The following PROX1 variants were observed in gnomAD, a reference collection of about 807,000 sequenced individuals.
PROX1 encodes prospero homeobox protein 1.
PROX1 carries 7 observed loss-of-function variants against 58.8 expected under a neutral mutation model. The observed-to-expected ratio is 0.12, with a 90% CI of 0.07 to 0.22. The LOEUF is 0.22. Ranked by LOEUF, PROX1 falls within the 10% of genes least tolerant of loss-of-function variation. The pLI is 1.00. For synonymous variants in PROX1, 350 were observed against 358.3 expected (o/e 0.98, Z 0.26); for missense variants, 675 against 927.8 (o/e 0.73, Z 3.54).
intron 4 of PROX1, among the ~76,000 whole-genome samples, chr1:214,034,026 G>A (rs1326718674): frequency 2.6e-5 from 4 of 152,168 alleles, no homozygotes; most frequent in Non-Finnish European, 4.4e-5. Context: ...TAAGAAATGG[G>A]CCAGTGTGAA....
intron 4 of PROX1, among the ~76,000 whole-genome samples, chr1:214,022,050 A>T (rs574570761): frequency 9.8e-5 from 15 of 152,342 alleles, no homozygotes; most frequent in African/African-American, 3.6e-4. Flanking sequence ...TCAATATTTT[A>T]TATAAAACAT....
chr1:214,028,393 G>T (rs79313295), intron 4 of PROX1, among the ~76,000 whole-genome samples: 1 of 152,094 alleles, frequency 6.6e-6, no homozygotes, highest in African/African-American at 2.4e-5. Flanking sequence ...AGAAGTACAC[G>T]TATCCATTCA....
chr1:214,026,722 AAAG>A (rs1664469559), intron 4 of PROX1, among the ~76,000 whole-genome samples: 1 of 152,242 alleles, frequency 6.6e-6, no homozygotes, highest in Admixed American at 6.5e-5. Flanking sequence ...GTAGAAAAAC[AAAG>A]AAGATACTCA....
chr1:213,999,885 T>C (rs1429359342), intron 2 of PROX1, among the ~76,000 whole-genome samples: 1 of 152,178 alleles, frequency 6.6e-6, no homozygotes, highest in African/African-American at 2.4e-5. Flanking sequence ...ACACAATGGC[T>C]TGAATGGTTT....
At chr1:214,020,649 C>T (rs1448979050) in intron 4 of PROX1, among the ~76,000 whole-genome samples, 1 of 152,160 alleles carries the variant, frequency 6.6e-6, no homozygotes, top group African/African-American at 2.4e-5. Flanking sequence ...GTTTAATTTT[C>T]CCTTAAATTT....
intron 4 of PROX1, among the ~76,000 whole-genome samples, chr1:214,013,786 C>T (rs1664000556): frequency 1.3e-5 from 2 of 152,198 alleles, no homozygotes; most frequent in African/African-American, 4.8e-5. Context: ...TCTCCTTTAT[C>T]TGCAGTGTCT....
At chr1:213,985,372 G>A (rs992133794), upstream of PROX1, 1 of 152,404 alleles carries the variant, frequency 6.6e-6, no homozygotes, top group African/African-American at 2.4e-5. Flanking sequence ...GTTGCCAGGA[G>A]CCTGGCCTGT....
intron 3 of PROX1, among the ~76,000 whole-genome samples, chr1:214,008,320 G>C (rs1398176278): frequency 6.6e-6 from 1 of 152,062 alleles, no homozygotes; most frequent in Non-Finnish European, 1.5e-5. Flanking sequence ...GTCCCAAAGT[G>C]CTGGGATTAC....
intron 4 of PROX1, among the ~76,000 whole-genome samples, chr1:214,021,651 T>C (rs189968374): frequency 6.6e-6 from 1 of 152,386 alleles, no homozygotes; most frequent in African/African-American, 2.4e-5. Flanking sequence ...GGTTTGGTGA[T>C]GGTGCCTTGT....
intron 4 of PROX1, among the ~76,000 whole-genome samples, chr1:214,014,778 C>T (rs1664036365): frequency 6.6e-6 from 1 of 152,170 alleles, no homozygotes; most frequent in African/African-American, 2.4e-5. Context: ...TTCTTTCTCT[C>T]CTCTACCCCT....
chr1:214,024,759 T>A (rs1353623543), intron 4 of PROX1, among the ~76,000 whole-genome samples: 1 of 152,222 alleles, frequency 6.6e-6, no homozygotes, highest in Non-Finnish European at 1.5e-5. Context: ...CAGGAGTAAC[T>A]GTGGATTATC....
At chr1:214,012,307 G>A (rs193057890) in intron 4 of PROX1, among the ~76,000 whole-genome samples, 3 of 152,210 alleles carry the variant, frequency 2.0e-5, no homozygotes, top group East Asian at 3.9e-4. Context: ...GGAGAGACTC[G>A]TGTGTTTTGC....
intron 4 of PROX1, among the ~76,000 whole-genome samples, chr1:214,022,309 A>G (rs1306399971): frequency 6.6e-6 from 1 of 152,108 alleles, no homozygotes; most frequent in East Asian, 1.9e-4. Context: ...AATTAAATGA[A>G]TCTACACAAT....
chr1:213,998,296 C>A (rs1215621550), intron 2 of PROX1, 36 bp downstream of exon 2: 12 of 1,511,192 alleles, frequency 7.9e-6, no homozygotes, highest in Admixed American at 6.7e-5. Flanking sequence ...AAAAAACAAA[C>A]CAAAAAAGGT....
intron 4 of PROX1, among the ~76,000 whole-genome samples, chr1:214,012,784 C>A (rs1440571917): frequency 6.6e-6 from 1 of 152,112 alleles, no homozygotes; most frequent in Non-Finnish European, 1.5e-5. Context: ...TGCACTTGGA[C>A]CTTATGTTAA....
chr1:214,029,102 C>G (rs1321263686), intron 4 of PROX1: 1 of 152,228 alleles, frequency 6.6e-6, no homozygotes, highest in African/African-American at 2.4e-5. Context: ...TCGATATTTA[C>G]TTAACAAACA....
intron 4 of PROX1, among the ~76,000 whole-genome samples, chr1:214,019,402 C>A (rs1375080998): frequency 6.6e-6 from 1 of 152,214 alleles, no homozygotes; most frequent in African/African-American, 2.4e-5. Flanking sequence ...TCACAAAACT[C>A]CTGCTGCCTC....
chr1:214,008,889 A>G (rs1663812156), intron 3 of PROX1, among the ~76,000 whole-genome samples: 1 of 152,196 alleles, frequency 6.6e-6, no homozygotes, highest in Non-Finnish European at 1.5e-5. Context: ...AGCTCAGCTC[A>G]TCGGGGCTAC....
At chr1:214,016,371 T>A (rs1664095352) in intron 4 of PROX1, among the ~76,000 whole-genome samples, 1 of 152,128 alleles carries the variant, frequency 6.6e-6, no homozygotes, top group Admixed American at 6.5e-5. Flanking sequence ...TAAAGAAAAA[T>A]GAGGACAGGT....
Sources: allele counts gnomAD v4.1 joint callset (sites outside exome capture counted in the v4.1 genomes callset), GRCh38; gene constraint gnomAD v4.1.1; transcripts MANE v1.5; gene names NCBI Gene and HGNC (gene_info 2026-07-23, HGNC 2026-07-21).